Variants in SERINC3 observed in about 807,000 individuals in gnomAD.
SERINC3 encodes the protein tumor differentially expressed protein 1.
SERINC3 carries 22 observed loss-of-function variants against 52.1 expected under a neutral mutation model. That is an observed-to-expected ratio of 0.42 (90% CI 0.30 to 0.60). The LOEUF is 0.60. SERINC3 is among the 20% of genes least tolerant of loss of function. The probability of loss-of-function intolerance (pLI) is 0.16; values close to 1 mark genes in which losing one functional copy is unlikely to be tolerated. For missense variants in SERINC3, 564 were observed against 584.6 expected, an observed-to-expected ratio of 0.96 and a Z score of 0.36; for synonymous variants, 226 against 212.7, an observed-to-expected ratio of 1.06 and a Z score of -0.54.
intron 7 of SERINC3, 119 bp downstream of exon 7, chr20:44,504,682 G>GT (rs1411951816): frequency 2.5e-4 from 189 of 767,650 alleles, no homozygotes; most frequent in Non-Finnish European, 3.9e-4. Context: ...AACACTGTAC[G>GT]TTTAAGTTTT....
intron 1 of SERINC3, among the ~76,000 whole-genome samples, chr20:44,515,438 A>T (rs1167746708): frequency 6.6e-6 from 1 of 152,210 alleles, no homozygotes; most frequent in African/African-American, 2.4e-5. Context: ...AAAGTTATTT[A>T]AAAAGCCAGA....
chr20:44,507,490 G>T (rs1230878701), intron 5 of SERINC3, among the ~76,000 whole-genome samples: 1 of 152,172 alleles, frequency 6.6e-6, no homozygotes, highest in African/African-American at 2.4e-5. Context: ...CAAACAATAA[G>T]ACTGTCCCTG....
intron 1 of SERINC3, 99 bp downstream of exon 1, chr20:44,521,814 A>T: frequency 7.9e-7 from 1 of 1,261,156 alleles, no homozygotes; most frequent in Non-Finnish European, 1.1e-6. Context: ...GCCTGCTGAC[A>T]TCCCGAGAGC....
chr20:44,511,392 T>TC, intron 3 of SERINC3, 24 bp from the exon 4 acceptor site: 5 of 1,470,902 alleles, frequency 3.4e-6, no homozygotes, highest in Non-Finnish European at 4.8e-6. Context: ...AAAATGCATT[T>TC]ATGAAATGCT....
intron 6 of SERINC3, among the ~76,000 whole-genome samples, chr20:44,506,584 C>CAAAAAAAAAAAAAAAAAAA (rs1191331026): frequency 7.0e-5 from 1 of 14,260 alleles, no homozygotes; most frequent in Non-Finnish European, 1.4e-4. Context: ...GACTCCATCT[C>CAAAAAAAAAAAAAAAAAAA]AAAAAAAAAA....
downstream of SERINC3, among the ~76,000 whole-genome samples, chr20:44,496,746 A>G (rs2064251411): frequency 6.6e-6 from 1 of 152,200 alleles, no homozygotes; most frequent in Non-Finnish European, 1.5e-5. Flanking sequence ...GTGAGCCAAG[A>G]TGGCACCACT....
At chr20:44,518,185 G>C (rs2064392342) in intron 1 of SERINC3, among the ~76,000 whole-genome samples, 1 of 152,084 alleles carries the variant, frequency 6.6e-6, no homozygotes. Context: ...GAGTTGGCCG[G>C]CACAGTGGCT....
intron 1 of SERINC3, among the ~76,000 whole-genome samples, chr20:44,517,198 T>C (rs867081204): frequency 4.6e-5 from 7 of 152,358 alleles, no homozygotes; most frequent in African/African-American, 7.2e-5. Flanking sequence ...GAACCTAGTA[T>C]AATGCCTGAC....
At chr20:44,506,610 A>G (rs13040779) in intron 6 of SERINC3, among the ~76,000 whole-genome samples, 27 of 144,310 alleles carry the variant, frequency 1.9e-4, no homozygotes, top group Non-Finnish European at 3.0e-4. Context: ...AAAAAAAAAA[A>G]GCACTATAAA....
At chr20:44,509,863 G>A (rs2064336358) in intron 5 of SERINC3, 28 bp downstream of exon 5, 1 of 1,611,094 alleles carries the variant, frequency 6.2e-7, no homozygotes, top group Non-Finnish European at 8.5e-7. Flanking sequence ...TAGCAGTATG[G>A]CTAACATAGG....
At chr20:44,510,412 C>T (rs1413862354) in intron 4 of SERINC3, among the ~76,000 whole-genome samples, 4 of 152,280 alleles carry the variant, frequency 2.6e-5, no homozygotes, top group Admixed American at 6.5e-5. Context: ...GCTTTGTATT[C>T]CATCAAGTGA....
intron 1 of SERINC3, among the ~76,000 whole-genome samples, chr20:44,521,326 G>C (rs1031220358): frequency 1.3e-5 from 2 of 152,182 alleles, no homozygotes; most frequent in Admixed American, 6.5e-5. Flanking sequence ...AATCGTTCTC[G>C]AAGAGAGGAA....
chr20:44,501,388 T>G (rs1474129872), intron 8 of SERINC3, 88 bp from the exon 9 acceptor site: 2 of 1,052,816 alleles, frequency 1.9e-6, no homozygotes, highest in Non-Finnish European at 2.9e-6. Flanking sequence ...CACTTACTGC[T>G]GAGCTGTTCC....
intron 5 of SERINC3, 131 bp downstream of exon 5, chr20:44,509,753 CTCCTGGA>C (rs2064335581): frequency 2.1e-6 from 2 of 945,284 alleles, no homozygotes; most frequent in Admixed American, 4.3e-5. Context: ...TGGTCTTGAA[CTCCTGGA>C]TTCAAGCCAT....
rs561207139 is a variant in SERINC3 at position 44,498,979 on chromosome 20, C to T, written c.*1317G>A. The T allele has an allele frequency of 2.0e-5, 3 of 152,176 alleles. No homozygotes were observed. The highest frequency in any genetic ancestry group is 2.9e-5 in the Non-Finnish European group (2 of 68,040). 9.4% of individuals were successfully genotyped at this position (152,176 alleles called of 1,614,324 possible). A position where few individuals can be genotyped will look rare whatever the true frequency, so the allele number is the denominator to read the frequency against. On this transcript the variant is annotated 3_prime_UTR_variant, in exon 10 of 10. Coordinates refer to ENST00000342374, the MANE Select transcript of SERINC3 (RefSeq NM_006811.4). ...CTCTCTTAGCTAACTTCTAAGAGTTCTTGGCTTAAATATCATTTTCTCCAG... is the reference window on the plus strand; with the variant it reads ...CTCTCTTAGCTAACTTCTAAGAGTTTTTGGCTTAAATATCATTTTCTCCAG...
intron 6 of SERINC3, 22 bp downstream of exon 6, chr20:44,506,805 A>G: frequency 6.6e-7 from 1 of 1,520,252 alleles, no homozygotes; most frequent in Non-Finnish European, 8.8e-7. Context: ...TCACAGGAGA[A>G]AGAAGTAGTA....
Position 44,500,263 on chromosome 20 carries a change from T to C in SERINC3, c.*33A>G. On this transcript the variant is annotated 3_prime_UTR_variant, in exon 10 of 10. Coordinates refer to ENST00000342374, the MANE Select transcript of SERINC3 (RefSeq NM_006811.4). ...GGGTTTTCGGTGAAGGAGACCTTTG[T>C]GAGTTCCAGTGGTGTCCTTGGCACT... 6.3e-7 allele frequency: 1 copy of C among 1,593,568 alleles called. No individual in the cohort carries two copies.
chr20:44,519,895 A>G (rs1263394424), intron 1 of SERINC3, among the ~76,000 whole-genome samples: 1 of 152,192 alleles, frequency 6.6e-6, no homozygotes, highest in African/African-American at 2.4e-5. Flanking sequence ...TACAATTTCT[A>G]AAATCCTTGG....
At position 44,500,206 on chromosome 20, in the gene SERINC3, T is replaced by A; in HGVS notation, c.*90A>T. The stretch of plus-strand genomic sequence containing the variant: ...TCAAACTTGCAAAGCATTCACTTAA[T>A]ATTTTAGTTGAAACAAACTTAAAAG... On this transcript the variant is annotated 3_prime_UTR_variant, in exon 10 of 10. Transcript: ENST00000342374. 7.4e-7 allele frequency: 1 copy of A among 1,357,978 alleles called. No homozygotes were observed. Among genetic ancestry groups the A allele is most frequent in the Non-Finnish European group, 1.0e-6 (1 of 1,000,206 alleles). The allele number at this position is 1,357,978 out of a possible 1,614,324, so 84.1% of individuals were successfully genotyped here. A position where few individuals can be genotyped will look rare whatever the true frequency, so the allele number is the denominator to read the frequency against.
Sources: allele counts gnomAD v4.1 joint callset (sites outside exome capture counted in the v4.1 genomes callset), GRCh38; gene constraint gnomAD v4.1.1; transcripts MANE v1.5; gene names NCBI Gene and HGNC (gene_info 2026-07-23, HGNC 2026-07-21).